SIM2: variants seen among roughly 807,000 people sequenced by gnomAD.
SIM2 encodes SIM bHLH transcription factor 2.
A neutral mutation model predicts 64.8 loss-of-function variants in SIM2; 28 were observed. The ratio of observed to expected loss-of-function variants is 0.43; its 90% CI spans 0.32 to 0.59. The LOEUF (loss-of-function observed/expected upper bound fraction) is 0.59, where lower values mean the gene tolerates loss of function less well. SIM2 is among the 20% of genes least tolerant of loss of function. The probability of loss-of-function intolerance (pLI) is 0.07; values close to 1 mark genes in which losing one functional copy is unlikely to be tolerated. For synonymous variants in SIM2, 408 were observed against 391.1 expected (o/e 1.04, Z -0.51); for missense variants, 847 against 871.4 (o/e 0.97, Z 0.35).
chr21:36,715,470 G>A (rs947876051), intron 3 of SIM2, among the ~76,000 whole-genome samples: 5 of 152,142 alleles, frequency 3.3e-5, no homozygotes, highest in East Asian at 3.9e-4. Context: ...AGAGATAAAA[G>A]TGTTAATAAA....
At chr21:36,728,011 C>T (rs1457129228) in intron 6 of SIM2, among the ~76,000 whole-genome samples, 1 of 152,106 alleles carries the variant, frequency 6.6e-6, no homozygotes, top group Non-Finnish European at 1.5e-5. Context: ...GGAAACAGCG[C>T]TCTTTGGGGA....
rs761234368 is a variant in SIM2 at position 36,726,170 on chromosome 21, T to G, written c.595T>G (p.Ser199Ala). The change falls in exon 6 of 11, where the codon TCC (serine) becomes GCC (alanine). Residue 199 changes from serine to alanine, a missense_variant. Physicochemically the swap from Ser to Ala is moderately conservative, Grantham distance 99. Around this residue, in one of 3 missense-constraint regions of SIM2, gnomAD observed 397 missense variants for 439.2 expected, o/e 0.90. Transcript: ENST00000290399. The surrounding 1 kb of genome is among the most constrained non-coding windows in gnomAD (Gnocchi z 4.5). The stretch of plus-strand genomic sequence containing the variant: ...GATCAGGCAGTATATGCTGGACATG[T>G]CCCTGTACGACTCCTGCTACCAGAT... ...LKIRQYMLDM[S>A]LYDSCYQIVG... 4.7e-5 allele frequency: 76 copies of G among 1,614,040 alleles called. No individual in the cohort carries two copies. The highest frequency in any genetic ancestry group is 6.3e-5 in the Non-Finnish European group (74 of 1,180,040).
At chr21:36,700,777 C>A (rs1283081129) in intron 1 of SIM2, among the ~76,000 whole-genome samples, 1 of 152,232 alleles carries the variant, frequency 6.6e-6, no homozygotes, top group Non-Finnish European at 1.5e-5. Flanking sequence ...TGAGACCCGG[C>A]TGAAAGAGAG....
intron 1 of SIM2, among the ~76,000 whole-genome samples, chr21:36,708,696 T>C (rs1406774627): frequency 6.6e-6 from 1 of 152,098 alleles, no homozygotes; most frequent in Non-Finnish European, 1.5e-5. Flanking sequence ...TGTCTCAGCC[T>C]GTCTGCCTTT....
At chr21:36,735,235 G>C (rs1391577020) in intron 7 of SIM2, among the ~76,000 whole-genome samples, 3 of 152,190 alleles carry the variant, frequency 2.0e-5, no homozygotes, top group Non-Finnish European at 4.4e-5. Context: ...CCCTGCCAAA[G>C]AAAGGCCTCA....
At position 36,743,390 on chromosome 21, in the gene SIM2, G is replaced by A; in HGVS notation, c.1002G>A (p.Glu334=). The change falls in exon 9 of 11, where the codon GAG becomes GAA. Residue 334 remains glutamate, a synonymous_variant. Transcript: ENST00000290399. Reference sequence around the variant, plus strand: ...TCGGCCCACTCTCGCCTTCCAGGGAGATTGAATACAAGGAACTTCAGCTGT... The same window carrying A: ...TCGGCCCACTCTCGCCTTCCAGGGAAATTGAATACAAGGAACTTCAGCTGT... ...CIVSVNYVLT[E]IEYKELQLSL... is the part of the protein sequence containing the mutation. The A allele has an allele frequency of 6.2e-7, 1 of 1,611,348 alleles. No homozygotes were observed. Among genetic ancestry groups the A allele is most frequent in the South Asian group, 1.1e-5 (1 of 90,646 alleles).
intron 7 of SIM2, among the ~76,000 whole-genome samples, chr21:36,741,396 T>G (rs142873507): frequency 1.1e-3 from 168 of 152,346 alleles, no homozygotes; most frequent in Middle Eastern, 0.01. Flanking sequence ...AAAAGCAGAT[T>G]GAATTTTTTC....
intron 9 of SIM2, among the ~76,000 whole-genome samples, chr21:36,744,409 G>GA (rs2089202003): frequency 6.7e-6 from 1 of 149,468 alleles, no homozygotes; most frequent in African/African-American, 2.5e-5. Flanking sequence ...AGGAAGAAAA[G>GA]AAAAAAGAAA....
chr21:36,746,600 GCTAA>G (rs1385882760), intron 10 of SIM2, among the ~76,000 whole-genome samples: 1 of 152,194 alleles, frequency 6.6e-6, no homozygotes. Flanking sequence ...TTCAGAAGTA[GCTAA>G]CTTAGAAAAG....
intron 5 of SIM2, among the ~76,000 whole-genome samples, chr21:36,724,911 C>T (rs1463039430): frequency 6.6e-6 from 1 of 152,160 alleles, no homozygotes; most frequent in Non-Finnish European, 1.5e-5. Context: ...CACCGAAACA[C>T]TGCATTCTTG....
chr21:36,736,319 C>T lies in SIM2; in HGVS notation c.850+5168C>T, dbSNP rs191868416. Among the ~76,000 whole-genome samples, 187 of 152,226 alleles carry T rather than the reference C, an allele frequency of 1.2e-3. 1 individual carries two copies. The highest frequency in any genetic ancestry group is 1.7e-3 in the Non-Finnish European group (115 of 68,020). On this transcript the variant is annotated intron_variant, in intron 7 of 10. Transcript: ENST00000290399. ...TTCTGGGGCCTCGCTTTCCCCACAC[C>T]GGTAGCCAAAAGCCAGGAACCTCTG...
At chr21:36,727,188 C>T (rs2088903852) in intron 6 of SIM2, among the ~76,000 whole-genome samples, 1 of 152,132 alleles carries the variant, frequency 6.6e-6, no homozygotes, top group African/African-American at 2.4e-5. Flanking sequence ...GCACCCACCA[C>T]CATGCCCAGT....
At chr21:36,708,174 G>T (rs907358845) in intron 1 of SIM2, among the ~76,000 whole-genome samples, 3 of 152,244 alleles carry the variant, frequency 2.0e-5, no homozygotes, top group Admixed American at 2.0e-4. Flanking sequence ...AGGGTCTGCG[G>T]CCAGGCTCCC....
intron 7 of SIM2, among the ~76,000 whole-genome samples, chr21:36,740,007 GAGAGAA>G (rs1568940056): frequency 1.3e-4 from 14 of 105,130 alleles, no homozygotes; most frequent in African/African-American, 2.8e-4. Flanking sequence ...AAGAAAGAAA[GAGAGAA>G]AGAAAGAAAG....
At chr21:36,725,243 A>G (rs981536489) in intron 5 of SIM2, among the ~76,000 whole-genome samples, 2 of 152,150 alleles carry the variant, frequency 1.3e-5, no homozygotes, top group African/African-American at 2.4e-5. Flanking sequence ...CCAGCTACTC[A>G]GGAGGCTAAG....
intron 2 of SIM2, among the ~76,000 whole-genome samples, chr21:36,712,216 A>AGGC (rs2088686456): frequency 1.3e-5 from 2 of 152,242 alleles, no homozygotes; most frequent in African/African-American, 4.8e-5. Context: ...GTGCTAAAAT[A>AGGC]ACCCCAAACA....
At chr21:36,705,101 T>C (rs993025041) in intron 1 of SIM2, among the ~76,000 whole-genome samples, 1 of 152,224 alleles carries the variant, frequency 6.6e-6, no homozygotes, top group African/African-American at 2.4e-5. Flanking sequence ...TCCCGGCGAC[T>C]GGTGTTCCCA....
chr21:36,731,186 G>A, intron 7 of SIM2, 35 bp downstream of exon 7: 10 of 1,547,722 alleles, frequency 6.5e-6, no homozygotes, highest in Non-Finnish European at 8.9e-6. Flanking sequence ...ACGGGAGGTA[G>A]CTGGTCAGGG....
At chr21:36,742,173 GC>G (rs1469315479) in intron 8 of SIM2, among the ~76,000 whole-genome samples, 1 of 151,730 alleles carries the variant, frequency 6.6e-6, no homozygotes, top group African/African-American at 2.4e-5. Context: ...GGATGGTGAT[GC>G]CCCCCATCCT....
Sources: allele counts gnomAD v4.1 joint callset (sites outside exome capture counted in the v4.1 genomes callset), GRCh38; gene constraint gnomAD v4.1.1; regional missense constraint gnomAD v4.1.1; non-coding constraint Gnocchi (gnomAD v3.1); transcripts MANE v1.5; gene names NCBI Gene and HGNC (gene_info 2026-07-23, HGNC 2026-07-21).